ATP6V1H: variants seen among roughly 807,000 people sequenced by gnomAD.
The protein encoded by ATP6V1H is ATPase H+ transporting V1 subunit H, also known as V-type proton ATPase subunit H.
Under a neutral mutation model 71.7 loss-of-function variants are expected in ATP6V1H, and 39 were observed. That is an observed-to-expected ratio of 0.54 (90% CI 0.42 to 0.71). The LOEUF (loss-of-function observed/expected upper bound fraction) is 0.71. Ranked by LOEUF, ATP6V1H falls within the 30% of genes least tolerant of loss-of-function variation. ATP6V1H has a pLI of 0.00. For missense variants in ATP6V1H, 509 were observed against 594.9 expected (o/e 0.86, Z 1.50); for synonymous variants, 192 against 199.3 (o/e 0.96, Z 0.31).
At chr8:53,783,747 G>C (rs545080161) in intron 9 of ATP6V1H, among the ~76,000 whole-genome samples, 2 of 152,216 alleles carry the variant, frequency 1.3e-5, no homozygotes, top group Admixed American at 6.5e-5. Context: ...TTGTGTCTTT[G>C]TTCTCATTGG....
intron 10 of ATP6V1H, among the ~76,000 whole-genome samples, chr8:53,771,051 G>A (rs916396373): frequency 6.6e-6 from 1 of 152,140 alleles, no homozygotes; most frequent in Admixed American, 6.5e-5. Flanking sequence ...GAATCATCTG[G>A]TAAATACATT....
At chr8:53,738,972 A>G (rs1381705275) in intron 13 of ATP6V1H, among the ~76,000 whole-genome samples, 1 of 152,170 alleles carries the variant, frequency 6.6e-6, no homozygotes, top group Non-Finnish European at 1.5e-5. Context: ...TTTTTTTCAA[A>G]TACAGAAAAC....
Position 53,715,916 on chromosome 8 carries a change from CCCA to C in ATP6V1H, c.*45_*47del. Reference sequence around the variant, plus strand: ...CACTCTTAACTCTAAACACAGTGCTCCCACTACTGGTTCTGCATTGAGGCGGAG... The same window carrying C: ...CACTCTTAACTCTAAACACAGTGCTCCTACTGGTTCTGCATTGAGGCGGAG... On this transcript the variant is annotated 3_prime_UTR_variant, in exon 14 of 14. Transcript: ENST00000359530. 6.4e-7 allele frequency: 1 copy of C among 1,552,740 alleles called. No individual in the cohort carries two copies. The highest frequency in any genetic ancestry group is 1.4e-5 in the African/African-American group (1 of 73,900).
Position 53,827,653 on chromosome 8 carries a change from T to C in ATP6V1H, c.306+1791A>G, listed in dbSNP as rs184804408. On this transcript the variant is annotated intron_variant, in intron 4 of 13. Transcript: ENST00000359530. Reference sequence around the variant, plus strand: ...GTTCAGGGGTACATGTGCCGGTGTGTTATATTGGTAAACTCATGTCAAGGG... The same window carrying C: ...GTTCAGGGGTACATGTGCCGGTGTGCTATATTGGTAAACTCATGTCAAGGG... Among the ~76,000 whole-genome samples, 132 of 152,200 alleles carry C rather than the reference T, an allele frequency of 8.7e-4. 1 individual carries two copies. Among genetic ancestry groups the C allele is most frequent in the African/African-American group, 3.0e-3 (124 of 41,538 alleles).
intron 11 of ATP6V1H, among the ~76,000 whole-genome samples, chr8:53,759,686 C>T (rs1808196514): frequency 6.6e-6 from 1 of 152,154 alleles, no homozygotes; most frequent in Non-Finnish European, 1.5e-5. Context: ...CAATGTTTTC[C>T]TCAGTTTTAG....
chr8:53,761,436 C>T (rs886271864), intron 11 of ATP6V1H, among the ~76,000 whole-genome samples: 3 of 151,830 alleles, frequency 2.0e-5, no homozygotes, highest in Admixed American at 2.0e-4. Context: ...GAAGAAGCCA[C>T]AAAAATTAAA....
At chr8:53,840,783 T>A (rs1811320662) in intron 2 of ATP6V1H, among the ~76,000 whole-genome samples, 1 of 152,208 alleles carries the variant, frequency 6.6e-6, no homozygotes, top group Non-Finnish European at 1.5e-5. Flanking sequence ...CCTCAATTTG[T>A]TTTTCAAAAT....
At chr8:53,842,356 A>G (rs1811370547) in intron 1 of ATP6V1H, 1 of 152,272 alleles carries the variant, frequency 6.6e-6, no homozygotes, top group Non-Finnish European at 1.5e-5. Context: ...TGGCTGGACG[A>G]CAAGAACCTA....
chr8:53,834,725 C>T (rs1445234579), intron 2 of ATP6V1H, among the ~76,000 whole-genome samples: 4 of 152,104 alleles, frequency 2.6e-5, no homozygotes, highest in African/African-American at 9.7e-5. Flanking sequence ...CGCCTGGCCC[C>T]AATATAGTTT....
intron 12 of ATP6V1H, among the ~76,000 whole-genome samples, chr8:53,748,703 G>C (rs1807693171): frequency 6.6e-6 from 1 of 152,120 alleles, no homozygotes; most frequent in Non-Finnish European, 1.5e-5. Context: ...TATGCATGGG[G>C]AAAAAACTAA....
rs1585708994 is a variant in ATP6V1H at position 53,715,791 on chromosome 8, A to G, written c.*173T>C. 1.9e-6 allele frequency: 1 copy of G among 525,828 alleles called. No individual in the cohort carries two copies. The highest frequency in any genetic ancestry group is 3.1e-5 in the East Asian group (1 of 32,746). The allele number at this position is 525,828 out of a possible 1,614,324, so 32.6% of individuals were successfully genotyped here. On this transcript the variant is annotated 3_prime_UTR_variant, in exon 14 of 14. Transcript: ENST00000359530. Reference sequence around the variant, plus strand: ...ATACAGAATCACCTACTTTTATACAACTTAACAGGCAAACATGTTATTTTG... The same window carrying G: ...ATACAGAATCACCTACTTTTATACAGCTTAACAGGCAAACATGTTATTTTG...
chr8:53,756,564 C>T lies in ATP6V1H; in HGVS notation c.1268G>A (p.Arg423Gln), dbSNP rs776565028. 5.0e-6 allele frequency: 8 copies of T among 1,613,042 alleles called. No individual in the cohort carries two copies. Among genetic ancestry groups the T allele is most frequent in the Admixed American group, 3.3e-5 (2 of 59,972 alleles). ...DVGEYVRHYP[R>Q]GKRVIEQLGG... ...AATGGCTTTCTCTTACCGTTTGCCT[C>T]GTGGATAATGCCGCACATATTCTCC... Residue 423 changes from arginine (R) to glutamine (Q), a missense_variant, in exon 12 of 14, where the codon CGA (arginine) becomes CAA (glutamine). By Grantham distance (43) the Arg-to-Gln change is conservative (BLOSUM62 1). Coordinates refer to ENST00000359530, the MANE Select transcript of ATP6V1H (RefSeq NM_015941.4).
At position 53,766,693 on chromosome 8, in the gene ATP6V1H, C is replaced by A. The variant is rs145509995; in HGVS notation, c.1175+2925G>T. Among the ~76,000 whole-genome samples, 573 of 152,286 alleles carry A rather than the reference C, an allele frequency of 3.8e-3. 8 individuals carry two copies. The highest frequency in any genetic ancestry group is 0.013 in the African/African-American group (550 of 41,554). On this transcript the variant is annotated intron_variant, in intron 11 of 13. Coordinates refer to ENST00000359530, the MANE Select transcript of ATP6V1H (RefSeq NM_015941.4). Reference sequence around the variant, plus strand: ...ACTGGCCCCCCCAGGGTGTACCTGTCTCTTATGGTTGAGACTGCAGAGGTG... The same window carrying A: ...ACTGGCCCCCCCAGGGTGTACCTGTATCTTATGGTTGAGACTGCAGAGGTG...
chr8:53,746,914 A>G (rs1471653317), intron 12 of ATP6V1H, among the ~76,000 whole-genome samples: 1 of 152,258 alleles, frequency 6.6e-6, no homozygotes, highest in Non-Finnish European at 1.5e-5. Flanking sequence ...CTTGCTAACC[A>G]TATTTCAAAA....
intron 13 of ATP6V1H, among the ~76,000 whole-genome samples, chr8:53,728,162 T>C (rs1191113872): frequency 6.6e-6 from 1 of 152,156 alleles, no homozygotes; most frequent in African/African-American, 2.4e-5. Context: ...TCTAATTGCT[T>C]CCATTATTCC....
chr8:53,748,935 A>G (rs2130213254), intron 12 of ATP6V1H, among the ~76,000 whole-genome samples: 1 of 152,390 alleles, frequency 6.6e-6, no homozygotes, highest in Non-Finnish European at 1.5e-5. Context: ...CTTTGAACAA[A>G]GGAACACAGA....
chr8:53,762,024 T>C (rs1160286474), intron 11 of ATP6V1H, among the ~76,000 whole-genome samples: 1 of 152,202 alleles, frequency 6.6e-6, no homozygotes. Flanking sequence ...CCGGTATTTT[T>C]AGATACCAGA....
At chr8:53,763,045 T>C (rs895052472) in intron 11 of ATP6V1H, among the ~76,000 whole-genome samples, 2 of 152,258 alleles carry the variant, frequency 1.3e-5, no homozygotes, top group Non-Finnish European at 2.9e-5. Flanking sequence ...ATATAATACA[T>C]GTAACATTCA....
intron 7 of ATP6V1H, among the ~76,000 whole-genome samples, chr8:53,808,122 G>A (rs1313730182): frequency 6.6e-6 from 1 of 152,178 alleles, no homozygotes; most frequent in Non-Finnish European, 1.5e-5. Flanking sequence ...AACAGGACAC[G>A]GAAACATGTG....
Sources: allele counts gnomAD v4.1 joint callset (sites outside exome capture counted in the v4.1 genomes callset), GRCh38; gene constraint gnomAD v4.1.1; transcripts MANE v1.5; gene names NCBI Gene and HGNC (gene_info 2026-07-23, HGNC 2026-07-21).